The following PPARGC1A variants were observed in gnomAD, a reference collection of about 807,000 sequenced individuals.
PPARGC1A encodes the protein peroxisome proliferator-activated receptor gamma coactivator 1-alpha.
In PPARGC1A, 25 loss-of-function variants were observed where a neutral mutation model predicts 88.7. That is an observed-to-expected ratio of 0.28 (90% CI 0.21 to 0.39). The LOEUF (loss-of-function observed/expected upper bound fraction) is 0.39, where lower values mean the gene tolerates loss of function less well. Among genes scored for constraint, PPARGC1A ranks in the 10% least tolerant of loss-of-function variants. The pLI is 1.00. For synonymous variants in PPARGC1A, 363 were observed against 355.6 expected, an observed-to-expected ratio of 1.02 and a Z score of -0.24; for missense variants, 880 against 968.7, an observed-to-expected ratio of 0.91 and a Z score of 1.22.
the PPARGC1A span, among the ~76,000 whole-genome samples, chr4:24,308,718 T>C: frequency 6.6e-6 from 1 of 152,194 alleles, no homozygotes; most frequent in Non-Finnish European, 1.5e-5. Context: ...TTTGAGGTTG[T>C]GCATAAGACT....
the PPARGC1A span, among the ~76,000 whole-genome samples, chr4:24,389,311 G>T: frequency 2.6e-5 from 4 of 151,940 alleles, no homozygotes; most frequent in Non-Finnish European, 5.9e-5. Context: ...ATAATAATGT[G>T]TCCCCTCATA....
chr4:23,815,834 G>C (rs1721880173), intron 7 of PPARGC1A, among the ~76,000 whole-genome samples: 1 of 152,104 alleles, frequency 6.6e-6, no homozygotes, highest in African/African-American at 2.4e-5. Context: ...CTTCAAGTCT[G>C]CTAACAAGCC....
the PPARGC1A span, among the ~76,000 whole-genome samples, chr4:23,991,520 A>T: frequency 3.9e-3 from 592 of 152,146 alleles, 3 homozygotes; most frequent in Non-Finnish European, 4.2e-3. Context: ...AAAGAGCTTC[A>T]AAGAGATCAT....
chr4:24,171,123 G>T, the PPARGC1A span, among the ~76,000 whole-genome samples: 2 of 152,000 alleles, frequency 1.3e-5, no homozygotes, highest in African/African-American at 4.8e-5. Flanking sequence ...CCTTATTTAA[G>T]TGTCCCGGCC....
chr4:24,352,897 C>G, the PPARGC1A span, among the ~76,000 whole-genome samples: 1 of 152,140 alleles, frequency 6.6e-6, no homozygotes, highest in East Asian at 1.9e-4. Context: ...TTAAAACCAC[C>G]TATTAAATAA....
chr4:23,981,399 A>G, the PPARGC1A span, among the ~76,000 whole-genome samples: 1 of 152,176 alleles, frequency 6.6e-6, no homozygotes. Flanking sequence ...CAACCATAGG[A>G]CATCACCTTT....
the PPARGC1A span, among the ~76,000 whole-genome samples, chr4:24,062,786 A>T: frequency 6.6e-6 from 1 of 152,318 alleles, no homozygotes; most frequent in East Asian, 1.9e-4. Flanking sequence ...TATACTACCA[A>T]TTCAAATAGT....
chr4:24,231,689 A>G, the PPARGC1A span, among the ~76,000 whole-genome samples: 4 of 152,224 alleles, frequency 2.6e-5, no homozygotes, highest in African/African-American at 9.6e-5. Flanking sequence ...AAGGAAACAC[A>G]AAGAATGGGG....
At chr4:23,995,336 G>A in the PPARGC1A span, among the ~76,000 whole-genome samples, 184 of 152,282 alleles carry the variant, frequency 1.2e-3, 1 homozygote, top group African/African-American at 4.2e-3. Flanking sequence ...AGCTTGCCAT[G>A]TGCTTATTCT....
chr4:23,859,398 G>A (rs1218552359), intron 2 of PPARGC1A, among the ~76,000 whole-genome samples: 1 of 152,144 alleles, frequency 6.6e-6, no homozygotes, highest in African/African-American at 2.4e-5. Context: ...TACATTTAGG[G>A]TCTTCCAGCA....
the PPARGC1A span, among the ~76,000 whole-genome samples, chr4:24,067,664 T>C: frequency 6.6e-6 from 1 of 152,180 alleles, no homozygotes; most frequent in Non-Finnish European, 1.5e-5. Context: ...TCAGCTTTTT[T>C]AAATGTTTAA....
chr4:23,809,349 A>C (rs1720441552), intron 10 of PPARGC1A, among the ~76,000 whole-genome samples: 2 of 152,212 alleles, frequency 1.3e-5, no homozygotes, highest in South Asian at 2.1e-4. Flanking sequence ...TGATGCCTTC[A>C]AGATAGCTTT....
chr4:24,268,169 C>A, the PPARGC1A span, among the ~76,000 whole-genome samples: 1 of 152,146 alleles, frequency 6.6e-6, no homozygotes, highest in Non-Finnish European at 1.5e-5. Context: ...AGCATAATGA[C>A]CCTCTACTAT....
At chr4:24,431,445 A>G in the PPARGC1A span, among the ~76,000 whole-genome samples, 3 of 152,188 alleles carry the variant, frequency 2.0e-5, no homozygotes, top group Admixed American at 2.0e-4. Flanking sequence ...AATATAACTG[A>G]GATAGAAACA....
the PPARGC1A span, among the ~76,000 whole-genome samples, chr4:24,021,482 T>A: frequency 6.6e-6 from 1 of 152,012 alleles, no homozygotes; most frequent in Non-Finnish European, 1.5e-5. Context: ...TTTGTCCAGT[T>A]CTCAAGAAGC....
chr4:24,368,153 GACGTGAATCGTCTTAACCAACTGGGTCA>G, the PPARGC1A span, among the ~76,000 whole-genome samples: 1 of 152,198 alleles, frequency 6.6e-6, no homozygotes, highest in Non-Finnish European at 1.5e-5. Context: ...TAAGAGGTGA[GACGTGAATCGTCTTAACCAACTGGGTCA>G]AATGTGAACT....
At chr4:24,040,148 G>A in the PPARGC1A span, among the ~76,000 whole-genome samples, 1 of 151,978 alleles carries the variant, frequency 6.6e-6, no homozygotes, top group Non-Finnish European at 1.5e-5. Flanking sequence ...TCATTTCCTG[G>A]GCTACACACT....
the PPARGC1A span, among the ~76,000 whole-genome samples, chr4:24,426,928 A>T: frequency 6.6e-6 from 1 of 152,228 alleles, no homozygotes. Context: ...ACTCGGGTAC[A>T]TTTTGACCTT....
chr4:23,866,920 A>G (rs1712135507), intron 2 of PPARGC1A, among the ~76,000 whole-genome samples: 1 of 152,204 alleles, frequency 6.6e-6, no homozygotes, highest in Admixed American at 6.5e-5. Flanking sequence ...CTAATGAGCC[A>G]TTGAACTGCG....
Sources: gnomAD v4.1 joint callset for allele counts (sites outside exome capture counted in the v4.1 genomes callset) on GRCh38, gnomAD v4.1.1 for gene constraint, MANE v1.5 for transcripts, NCBI Gene and HGNC (gene_info 2026-07-23, HGNC 2026-07-21) for gene names.